The following HDX variants were observed in gnomAD, a reference collection of about 807,000 sequenced individuals.
HDX encodes chromosome X open reading frame 43.
HDX carries 19 observed loss-of-function variants against 45.2 expected under a neutral mutation model. That is an observed-to-expected ratio of 0.42 (90% confidence interval 0.29 to 0.62). The LOEUF (loss-of-function observed/expected upper bound fraction) is 0.62, where lower values mean the gene tolerates loss of function less well. Ranked by LOEUF, HDX falls within the 20% of genes least tolerant of loss-of-function variation. The pLI is 0.20. For synonymous variants in HDX, 188 were observed against 172.8 expected (o/e 1.09, Z -0.69); for missense variants, 532 against 493.9 (o/e 1.08, Z -0.73).
intron 5 of HDX, among the ~76,000 whole-genome samples, chrX:84,428,898 G>A (rs749781262): frequency 5.8e-4 from 64 of 109,612 alleles, no homozygotes; most frequent in East Asian, 4.3e-3. Context: ...TATATAGTGC[G>A]CGCTATGGAC....
chrX:84,339,724 G>A (rs1412488450), intron 7 of HDX, among the ~76,000 whole-genome samples: 1 of 110,749 alleles, frequency 9.0e-6, no homozygotes, highest in Admixed American at 9.7e-5. Context: ...CCTATGTGGT[G>A]GCTGTATGTA....
chrX:84,335,863 G>A (rs1437352853), intron 8 of HDX, among the ~76,000 whole-genome samples: 3 of 110,525 alleles, frequency 2.7e-5, no homozygotes, highest in Non-Finnish European at 3.8e-5. Flanking sequence ...ATATATTACT[G>A]TTATTTAACA....
chrX:84,476,260 TGATTA>T (rs1342125474), intron 2 of HDX, among the ~76,000 whole-genome samples: 1 of 111,277 alleles, frequency 9.0e-6, no homozygotes, highest in Non-Finnish European at 1.9e-5. Context: ...AGAATCCTTG[TGATTA>T]GATTAAGTCA....
At chrX:84,437,962 T>C (rs1376155925) in intron 5 of HDX, among the ~76,000 whole-genome samples, 2 of 111,329 alleles carry the variant, frequency 1.8e-5, no homozygotes, top group African/African-American at 3.3e-5. Context: ...TGACTGCTTA[T>C]TGTCAGCAAA....
At chrX:84,490,512 G>T (rs903259717) in intron 1 of HDX, among the ~76,000 whole-genome samples, 4 of 110,927 alleles carry the variant, frequency 3.6e-5, no homozygotes, top group African/African-American at 9.8e-5. Context: ...TAAATTAAAA[G>T]ATCTTTCATT....
chrX:84,453,195 C>T (rs1208846513), intron 4 of HDX, among the ~76,000 whole-genome samples: 1 of 112,317 alleles, frequency 8.9e-6, no homozygotes, highest in East Asian at 2.8e-4. Context: ...CAATTGTCCT[C>T]CGCTCAAGAA....
chrX:84,359,959 G>A (rs1417540286), intron 6 of HDX, among the ~76,000 whole-genome samples: 2 of 112,055 alleles, frequency 1.8e-5, no homozygotes, highest in Non-Finnish European at 3.8e-5. Context: ...AAGAGTTTCT[G>A]CACAGCAAAA....
At chrX:84,413,581 C>T (rs1034534756) in intron 5 of HDX, among the ~76,000 whole-genome samples, 3 of 111,622 alleles carry the variant, frequency 2.7e-5, no homozygotes, top group Non-Finnish European at 5.6e-5. Context: ...ATGGGCAAAG[C>T]ACTTTGTAAG....
At chrX:84,324,767 C>T (rs1438783371) in intron 10 of HDX, among the ~76,000 whole-genome samples, 1 of 110,513 alleles carries the variant, frequency 9.0e-6, no homozygotes, top group African/African-American at 3.3e-5. Context: ...AGTTACTTGG[C>T]CATATAACTC....
chrX:84,490,663 C>A (rs772803652), intron 1 of HDX, among the ~76,000 whole-genome samples: 1 of 109,333 alleles, frequency 9.1e-6, no homozygotes, highest in East Asian at 2.9e-4. Flanking sequence ...GTATTTTATA[C>A]TTTGGTATGA....
chrX:84,406,099 G>T (rs7060922), intron 5 of HDX, among the ~76,000 whole-genome samples: 1 of 110,441 alleles, frequency 9.1e-6, no homozygotes, highest in East Asian at 2.9e-4. Flanking sequence ...TAAACGTACT[G>T]TCCAAATAAC....
chrX:84,361,342 C>T (rs2037617960), intron 6 of HDX, 124 bp downstream of exon 6: 1 of 507,294 alleles, frequency 2.0e-6, no homozygotes, highest in Non-Finnish European at 3.2e-6. Context: ...AAAATATCTC[C>T]TATCCTGTGG....
chrX:84,344,819 AGAAG>A (rs1406005975), intron 6 of HDX, among the ~76,000 whole-genome samples: 3 of 111,140 alleles, frequency 2.7e-5, no homozygotes, highest in Non-Finnish European at 5.7e-5. Flanking sequence ...ATTAGCAGAA[AGAAG>A]GTATTTATAT....
intron 4 of HDX, among the ~76,000 whole-genome samples, chrX:84,457,933 T>A (rs1367686305): frequency 1.8e-5 from 2 of 112,003 alleles, no homozygotes; most frequent in African/African-American, 6.5e-5. Context: ...GAGGGGAAAT[T>A]GGAAAATAAA....
At chrX:84,362,135 G>A (rs1274126128) in intron 5 of HDX, among the ~76,000 whole-genome samples, 2 of 110,991 alleles carry the variant, frequency 1.8e-5, no homozygotes, top group Non-Finnish European at 3.8e-5. Flanking sequence ...GAATTAAAAA[G>A]GTAAATAAGA....
In HDX at chrX:84,468,804, A is replaced by G; in HGVS notation, c.919T>C (p.Tyr307His). The change falls in exon 4 of 11, where the codon TAT becomes CAT. Residue 307 changes from tyrosine to histidine, a missense_variant. Around this residue, in one of 3 missense-constraint regions of HDX, gnomAD observed 376 missense variants for 343.7 expected, o/e 1.09. Transcript: ENST00000373177. ...AMETGDAEDE[Y>H]AREEELASMR... ...GATGCCAGCTCTTCCTCTCTGGCAT[A>G]TTCATCCTCAGCATCTCCAGTCTCC... 2 of 1,210,499 alleles carry G rather than the reference A, an allele frequency of 1.7e-6. No homozygotes were observed. The highest frequency in any genetic ancestry group is 2.2e-6 in the Non-Finnish European group (2 of 894,446).
intron 5 of HDX, among the ~76,000 whole-genome samples, chrX:84,365,276 G>A (rs752404851): frequency 9.0e-6 from 1 of 111,377 alleles, no homozygotes; most frequent in South Asian, 3.8e-4. Context: ...TCCTAGCAGT[G>A]TGTTTTGATC....
chrX:84,461,802 G>A (rs1202495196), intron 4 of HDX, among the ~76,000 whole-genome samples: 1 of 111,860 alleles, frequency 8.9e-6, no homozygotes, highest in Non-Finnish European at 1.9e-5. Flanking sequence ...TACATAAGGA[G>A]CTCAAACAAC....
At chrX:84,385,184 C>A (rs1232114695) in intron 5 of HDX, among the ~76,000 whole-genome samples, 1 of 68,096 alleles carries the variant, frequency 1.5e-5, no homozygotes, top group Non-Finnish European at 2.8e-5. Flanking sequence ...ATATTTGTGT[C>A]ATCTCTGATT....
Sources: allele counts gnomAD v4.1 joint callset (sites outside exome capture counted in the v4.1 genomes callset), GRCh38; gene constraint gnomAD v4.1.1; regional missense constraint gnomAD v4.1.1; transcripts MANE v1.5; gene names NCBI Gene and HGNC (gene_info 2026-07-23, HGNC 2026-07-21).